The following CYRIB variants were observed in gnomAD, a reference collection of about 807,000 sequenced individuals.
CYRIB encodes the protein CYFIP related Rac1 interactor B, also known as CYFIP-related Rac1 interactor B.
CYRIB carries 8 observed loss-of-function variants against 44.2 expected under a neutral mutation model. The ratio of observed to expected loss-of-function variants is 0.18; its 90% CI spans 0.11 to 0.33. The LOEUF (loss-of-function observed/expected upper bound fraction) is 0.33, where lower values mean the gene tolerates loss of function less well. Among genes scored for constraint, CYRIB ranks in the 10% least tolerant of loss-of-function variants. CYRIB has a pLI of 1.00. For synonymous variants in CYRIB, 131 were observed against 127.2 expected (o/e 1.03, Z -0.20); for missense variants, 185 against 382.8 (o/e 0.48, Z 4.31).
chr8:129,889,956 T>C (rs768390441), intron 2 of CYRIB, among the ~76,000 whole-genome samples: 10 of 152,116 alleles, frequency 6.6e-5, no homozygotes, highest in Admixed American at 3.3e-4. Context: ...TGTATTTTAG[T>C]AGAGATAGGG....
At chr8:129,972,662 C>T (rs1199409498) in intron 1 of CYRIB, among the ~76,000 whole-genome samples, 1 of 152,052 alleles carries the variant, frequency 6.6e-6, no homozygotes, top group Admixed American at 6.6e-5. Context: ...ACACATACCA[C>T]ACATTCATTC....
chr8:129,949,891 A>G (rs912740807), intron 2 of CYRIB, among the ~76,000 whole-genome samples: 3 of 151,962 alleles, frequency 2.0e-5, no homozygotes, highest in East Asian at 1.9e-4. Flanking sequence ...ATAATAATAC[A>G]CTACTCATCT....
At chr8:129,872,018 C>T (rs887164865) in intron 3 of CYRIB, among the ~76,000 whole-genome samples, 3 of 152,034 alleles carry the variant, frequency 2.0e-5, no homozygotes, top group Non-Finnish European at 2.9e-5. Context: ...TTTAGGTGCT[C>T]ACCCCCTTTT....
chr8:129,864,782 C>T (rs1302088185), intron 4 of CYRIB: 12 of 429,682 alleles, frequency 2.8e-5, no homozygotes, highest in South Asian at 7.0e-5. Flanking sequence ...AGCTGGACAC[C>T]ACTGTGGGGC....
At chr8:129,846,972 C>T in intron 10 of CYRIB, 98 bp from the exon 13 acceptor site, 3 of 660,500 alleles carry the variant, frequency 4.5e-6, no homozygotes, top group Non-Finnish European at 7.5e-6. Flanking sequence ...AACTATGGAA[C>T]TCAAGAGATT....
intron 11 of CYRIB, among the ~76,000 whole-genome samples, chr8:129,843,034 C>G (rs183176597): frequency 6.6e-6 from 1 of 152,314 alleles, no homozygotes; most frequent in Admixed American, 6.5e-5. Flanking sequence ...AGATTCACAA[C>G]AGTATTCCCT....
At chr8:129,928,433 C>T (rs2089323391) in intron 1 of CYRIB, among the ~76,000 whole-genome samples, 2 of 150,860 alleles carry the variant, frequency 1.3e-5, no homozygotes, top group African/African-American at 4.9e-5. Context: ...ATATAAAGAA[C>T]TCTTACAACT....
At chr8:129,903,980 T>C (rs1305491172) in intron 1 of CYRIB, among the ~76,000 whole-genome samples, 2 of 152,218 alleles carry the variant, frequency 1.3e-5, no homozygotes, top group African/African-American at 2.4e-5. Context: ...CTCCAATTCC[T>C]GGTGCTCAAG....
chr8:129,873,022 C>A (rs551736011), intron 3 of CYRIB, among the ~76,000 whole-genome samples: 1 of 151,970 alleles, frequency 6.6e-6, no homozygotes, highest in South Asian at 2.1e-4. Flanking sequence ...GCCAAATAGT[C>A]AAAAATATAC....
chr8:130,012,969 C>G (rs140786455), intron 1 of CYRIB, among the ~76,000 whole-genome samples: 2 of 152,286 alleles, frequency 1.3e-5, no homozygotes, highest in Admixed American at 6.5e-5. Context: ...CTTCAACAGG[C>G]CTTTATCAAG....
chr8:129,914,989 A>C (rs2079963769), intron 1 of CYRIB, among the ~76,000 whole-genome samples: 1 of 152,174 alleles, frequency 6.6e-6, no homozygotes, highest in Non-Finnish European at 1.5e-5. Context: ...ATACAAACTG[A>C]AAACATACCA....
At chr8:129,879,723 CCAAGA>C (rs2060249200) in intron 2 of CYRIB, 2 of 382,622 alleles carry the variant, frequency 5.2e-6, no homozygotes, top group African/African-American at 2.1e-5. Flanking sequence ...CAAAATTCTC[CCAAGA>C]CAAGTTTCAT....
At chr8:129,882,688 G>C (rs2061228577) in intron 2 of CYRIB, among the ~76,000 whole-genome samples, 1 of 152,060 alleles carries the variant, frequency 6.6e-6, no homozygotes, top group Non-Finnish European at 1.5e-5. Flanking sequence ...TTTGGAACTA[G>C]CCATGTACGT....
chr8:129,923,378 G>A (rs924910915), intron 1 of CYRIB, among the ~76,000 whole-genome samples: 11 of 151,800 alleles, frequency 7.2e-5, no homozygotes, highest in Admixed American at 3.3e-4. Context: ...AGGTTCAAGC[G>A]ATTCTCGTTC....
At chr8:129,952,356 C>T (rs984683414) in intron 2 of CYRIB, among the ~76,000 whole-genome samples, 4 of 151,960 alleles carry the variant, frequency 2.6e-5, no homozygotes, top group East Asian at 3.9e-4. Context: ...CCACCACACC[C>T]GGCCAAAAAT....
chr8:129,984,675 G>A (rs972186001), intron 1 of CYRIB, among the ~76,000 whole-genome samples: 8 of 152,124 alleles, frequency 5.3e-5, no homozygotes, highest in Non-Finnish European at 1.2e-4. Context: ...CATTGCACAC[G>A]CTAGGGCTTT....
At chr8:129,910,098 C>T (rs904695359) in intron 1 of CYRIB, among the ~76,000 whole-genome samples, 1 of 152,182 alleles carries the variant, frequency 6.6e-6, no homozygotes, top group African/African-American at 2.4e-5. Context: ...CCAGAGTCTT[C>T]GCATGCCATA....
intron 1 of CYRIB, among the ~76,000 whole-genome samples, chr8:129,925,526 A>T (rs1192852981): frequency 6.6e-6 from 1 of 152,156 alleles, no homozygotes; most frequent in Admixed American, 6.5e-5. Flanking sequence ...TCCAGCCTCC[A>T]TCCTGTCCCC....
At chr8:129,942,374 T>A (rs1176701823), upstream of CYRIB, among the ~76,000 whole-genome samples, 1 of 152,100 alleles carries the variant, frequency 6.6e-6, no homozygotes, top group African/African-American at 2.4e-5. Context: ...ATGAGTCCTG[T>A]GAGGAACACG....
Sources: allele counts gnomAD v4.1 joint callset (sites outside exome capture counted in the v4.1 genomes callset), GRCh38; gene constraint gnomAD v4.1.1; transcripts MANE v1.5; gene names NCBI Gene and HGNC (gene_info 2026-07-23, HGNC 2026-07-21).